Variants in ACSF3 observed in about 807,000 individuals in gnomAD.
ACSF3 encodes acyl-CoA synthetase family member 3.
In ACSF3, 78 loss-of-function variants were observed where a neutral mutation model predicts 53.2. The ratio of observed to expected loss-of-function variants is 1.47; its 90% CI spans 1.22 to 1.77. The LOEUF is 1.77. Ranked by LOEUF, ACSF3 falls within the 40% of genes most tolerant of loss-of-function variation. The pLI is 0.00. For missense variants in ACSF3, 937 were observed against 771.1 expected, an observed-to-expected ratio of 1.22 and a Z score of -2.55; for synonymous variants, 414 against 333.1, an observed-to-expected ratio of 1.24 and a Z score of -2.65.
intron 8 of ACSF3, among the ~76,000 whole-genome samples, chr16:89,138,285 G>C (rs1169651791): frequency 6.6e-6 from 1 of 152,222 alleles, no homozygotes; most frequent in Non-Finnish European, 1.5e-5. Context: ...TGTTCCTGTA[G>C]CTGTCCCCTC....
intron 10 of ACSF3, chr16:89,151,072 A>G: frequency 5.4e-6 from 7 of 1,287,828 alleles, no homozygotes; most frequent in South Asian, 1.2e-5. Context: ...AGCATTCTAA[A>G]TATCGGAAGG....
At chr16:89,142,977 A>G (rs1195314701) in intron 8 of ACSF3, among the ~76,000 whole-genome samples, 1 of 152,032 alleles carries the variant, frequency 6.6e-6, no homozygotes, top group African/African-American at 2.4e-5. Flanking sequence ...ATCATAATCC[A>G]TTGCCGACGT....
intron 5 of ACSF3, chr16:89,113,869 C>T (rs1202439195): frequency 6.8e-6 from 2 of 296,024 alleles, no homozygotes; most frequent in African/African-American, 2.2e-5. Flanking sequence ...GCCATTCACC[C>T]ATGTCCGCGT....
intron 7 of ACSF3, among the ~76,000 whole-genome samples, chr16:89,128,737 C>T (rs562239881): frequency 7.9e-5 from 12 of 152,148 alleles, no homozygotes; most frequent in Non-Finnish European, 4.4e-5. Context: ...AGTCAAAAGA[C>T]GCACTTGGTA....
In ACSF3 at chr16:89,101,305, G is replaced by A; in HGVS notation, c.624G>A (p.Arg208=). ...MIIYTSGTTG[R]PKGVLSTHQN... is the part of the protein sequence containing the mutation. The stretch of plus-strand genomic sequence containing the variant: ...TCTACACCAGTGGGACCACGGGGAG[G>A]CCCAAGGGCGTGCTGAGCACGCACC... The change falls in exon 3 of 11, where the codon AGG becomes AGA. Residue 208 remains arginine, a synonymous_variant. Coordinates refer to ENST00000614302, the MANE Select transcript of ACSF3 (RefSeq NM_001243279.3). The A allele has an allele frequency of 6.2e-7, 1 of 1,601,216 alleles. No individual in the cohort carries two copies. Among genetic ancestry groups the A allele is most frequent in the Non-Finnish European group, 8.5e-7 (1 of 1,174,510 alleles).
chr16:89,102,388 C>A, intron 3 of ACSF3: 1 of 628,596 alleles, frequency 1.6e-6, no homozygotes, highest in Non-Finnish European at 2.9e-6. Context: ...TGGCGCTGTC[C>A]TCTGTCCCCA....
Position 89,112,121 on chromosome 16 carries a change from G to A in ACSF3, c.852G>A (p.Thr284=), listed in dbSNP as rs183159791. 367 of 1,104,388 alleles carry A rather than the reference G, an allele frequency of 3.3e-4. 1 individual carries two copies. Among genetic ancestry groups the A allele is most frequent in the Admixed American group, 3.3e-3 (98 of 29,598 alleles). 68.4% of individuals were successfully genotyped at this position (1,104,388 alleles called of 1,614,324 possible). ...QVWEKFLSSE[T]PRINVFMAVP... ...GGGAAAAGTTCTTAAGTTCTGAAACGCCGCGGATCAATGTCTTTATGGCAG... is the reference window on the plus strand; with the variant it reads ...GGGAAAAGTTCTTAAGTTCTGAAACACCGCGGATCAATGTCTTTATGGCAG... Residue 284 remains threonine (T), a synonymous_variant, in exon 5 of 11, where the codon ACG becomes ACA. Coordinates refer to ENST00000614302, the MANE Select transcript of ACSF3 (RefSeq NM_001243279.3).
At chr16:89,112,296 A>G in intron 5 of ACSF3, 50 bp downstream of exon 5, 1 of 1,601,984 alleles carries the variant, frequency 6.2e-7, no homozygotes, top group Non-Finnish European at 8.6e-7. Flanking sequence ...AAAGATCAAC[A>G]GATACGACTT....
intron 10 of ACSF3, chr16:89,153,119 A>G (rs1442733755): frequency 3.9e-5 from 6 of 152,654 alleles, no homozygotes. Context: ...AAACCACGAC[A>G]CTTGGTTTCT....
At chr16:89,123,188 G>A (rs548576133) in intron 7 of ACSF3, among the ~76,000 whole-genome samples, 1 of 152,180 alleles carries the variant, frequency 6.6e-6, no homozygotes, top group Non-Finnish European at 1.5e-5. Flanking sequence ...GACCCTTCGT[G>A]GGGAGGAGCA....
rs754397596 is a variant in ACSF3, at chr16:89,101,377, C to T, written c.666+30C>T. ...GTGCCGCCTGGCGCCGTGATGGTTT[C>T]GGTGACCGCACAGCACTCCGGGTGG... On this transcript the variant is annotated intron_variant, in intron 3 of 10. Coordinates refer to ENST00000614302, the MANE Select transcript of ACSF3 (RefSeq NM_001243279.3). 97 of 1,557,662 alleles carry T rather than the reference C, an allele frequency of 6.2e-5. No homozygotes were observed. The South Asian group carries it at 7.5e-4, about 12-fold the overall frequency.
chr16:89,111,971 A>G (rs1048717013), intron 4 of ACSF3, 121 bp from the exon 5 acceptor site: 5 of 442,306 alleles, frequency 1.1e-5, no homozygotes, highest in Non-Finnish European at 1.7e-5. Flanking sequence ...CCCTTTTAGA[A>G]GGGAGGCGCT....
chr16:89,094,379 G>T (rs1974366223), intron 1 of ACSF3, among the ~76,000 whole-genome samples: 1 of 152,232 alleles, frequency 6.6e-6, no homozygotes, highest in Admixed American at 6.5e-5. Flanking sequence ...CCCCGTTTTA[G>T]TTGTTTGCTG....
intron 4 of ACSF3, among the ~76,000 whole-genome samples, chr16:89,110,548 C>G (rs1205172429): frequency 6.6e-6 from 1 of 152,182 alleles, no homozygotes; most frequent in Non-Finnish European, 1.5e-5. Flanking sequence ...ACACTGTGTT[C>G]GTTACTTCTG....
chr16:89,154,284 C>A lies in ACSF3; in HGVS notation c.*77C>A. 1.5e-6 allele frequency: 2 copies of A among 1,360,314 alleles called. No homozygotes were observed. The highest frequency in any genetic ancestry group is 2.1e-6 in the Non-Finnish European group (2 of 965,302). 84.3% of individuals were successfully genotyped at this position (1,360,314 alleles called of 1,614,324 possible). A position where few individuals can be genotyped will look rare whatever the true frequency, so the allele number is the denominator to read the frequency against. ...ACACCGAGAACCACGGGGGCCCGTC[C>A]AAGACCTGGCCTCCCTTAAACCTGA... On this transcript the variant is annotated 3_prime_UTR_variant, in exon 11 of 11. Transcript: ENST00000614302.
chr16:89,145,738 A>C (rs1221696414), intron 9 of ACSF3, among the ~76,000 whole-genome samples, 200 bp from the exon 10 acceptor site: 2 of 152,086 alleles, frequency 1.3e-5, no homozygotes, highest in East Asian at 3.9e-4. Flanking sequence ...CAGTCCCCAG[A>C]TCCACCGTGG....
At chr16:89,119,770 G>T (rs1906157450) in intron 6 of ACSF3, among the ~76,000 whole-genome samples, 1 of 152,156 alleles carries the variant, frequency 6.6e-6, no homozygotes, top group Non-Finnish European at 1.5e-5. Context: ...GTGTGGACAG[G>T]CCCAGCAGGA....
intron 8 of ACSF3, chr16:89,141,269 C>G: frequency 1.2e-5 from 15 of 1,287,260 alleles, no homozygotes; most frequent in Non-Finnish European, 1.5e-5. Context: ...AAAGGCACAG[C>G]AAGGCGGGTG....
intron 8 of ACSF3, among the ~76,000 whole-genome samples, chr16:89,133,627 G>A (rs941228731): frequency 1.3e-5 from 2 of 152,188 alleles, no homozygotes; most frequent in South Asian, 2.1e-4. Context: ...CGTGGGCTGG[G>A]GCACCCTCCA....
Sources: gnomAD v4.1 joint callset for allele counts (sites outside exome capture counted in the v4.1 genomes callset) on GRCh38, gnomAD v4.1.1 for gene constraint, MANE v1.5 for transcripts, NCBI Gene and HGNC (gene_info 2026-07-23, HGNC 2026-07-21) for gene names.